IL1RAPL2: variants seen among roughly 807,000 people sequenced by gnomAD.
IL1RAPL2 encodes interleukin 1 receptor accessory protein like 2.
Under a neutral mutation model 44.1 loss-of-function variants are expected in IL1RAPL2, and 3 were observed. That is an observed-to-expected ratio of 0.07 (90% CI 0.03 to 0.18). The LOEUF is 0.18. Ranked by LOEUF, IL1RAPL2 falls within the 10% of genes least tolerant of loss-of-function variation. The pLI, the probability that IL1RAPL2 is intolerant of heterozygous loss-of-function variation, is 1.00. For missense variants in IL1RAPL2, 391 were observed against 496.4 expected (o/e 0.79, Z 2.02); for synonymous variants, 181 against 178.8 (o/e 1.01, Z -0.10).
intron 5 of IL1RAPL2, among the ~76,000 whole-genome samples, chrX:105,363,436 T>A (rs952345843): frequency 3.2e-4 from 34 of 104,699 alleles, no homozygotes; most frequent in Non-Finnish European, 5.7e-4. Flanking sequence ...GACATACTGA[T>A]TACAATTTTT....
intron 2 of IL1RAPL2, among the ~76,000 whole-genome samples, chrX:104,660,592 T>TAC (rs1346128905): frequency 2.2e-5 from 2 of 92,791 alleles, no homozygotes; most frequent in South Asian, 4.8e-4. Context: ...AATATATATA[T>TAC]ACACACAAAT....
intron 6 of IL1RAPL2, among the ~76,000 whole-genome samples, chrX:105,562,493 T>G (rs780658258): frequency 1.0e-5 from 1 of 96,823 alleles, no homozygotes; most frequent in Non-Finnish European, 2.0e-5. Flanking sequence ...TATATACAAT[T>G]ATTTGTGAAT....
At chrX:105,407,065 G>A (rs2035650865) in intron 5 of IL1RAPL2, 10 of 685,457 alleles carry the variant, frequency 1.5e-5, no homozygotes, top group Non-Finnish European at 2.4e-5. Flanking sequence ...GAGGCTGGAG[G>A]AAGATGTACA....
intron 2 of IL1RAPL2, among the ~76,000 whole-genome samples, chrX:104,693,998 C>T (rs994794824): frequency 3.6e-5 from 4 of 111,794 alleles, no homozygotes; most frequent in African/African-American, 1.3e-4. Context: ...TTAATATCCC[C>T]AACTGTTCTC....
At chrX:104,678,822 G>A (rs1240739934) in intron 2 of IL1RAPL2, among the ~76,000 whole-genome samples, 1 of 110,942 alleles carries the variant, frequency 9.0e-6, no homozygotes, top group African/African-American at 3.3e-5. Flanking sequence ...GGGGCCTGTT[G>A]GGGGATGAGG....
At chrX:105,385,900 A>C (rs1056575203) in intron 5 of IL1RAPL2, among the ~76,000 whole-genome samples, 5 of 111,619 alleles carry the variant, frequency 4.5e-5, no homozygotes, top group Non-Finnish European at 9.4e-5. Flanking sequence ...ACGTAGAAGG[A>C]GCAAAGGCTT....
chrX:105,634,539 C>T (rs1166504265), intron 6 of IL1RAPL2, among the ~76,000 whole-genome samples: 3 of 111,743 alleles, frequency 2.7e-5, no homozygotes, highest in Admixed American at 9.5e-5. Flanking sequence ...ATTTGATGTA[C>T]TTAAATTCAA....
intron 5 of IL1RAPL2, among the ~76,000 whole-genome samples, chrX:105,344,938 T>A (rs747720869): frequency 2.7e-5 from 3 of 111,712 alleles, no homozygotes; most frequent in Non-Finnish European, 5.6e-5. Context: ...TAGAAGTAGA[T>A]ATGTCTTGGT....
intron 6 of IL1RAPL2, among the ~76,000 whole-genome samples, chrX:105,698,334 C>A (rs1295116517): frequency 8.9e-6 from 1 of 111,753 alleles, no homozygotes; most frequent in Non-Finnish European, 1.9e-5. Context: ...ATGCTTTTAT[C>A]TGACTATATG....
At chrX:104,749,000 G>T (rs970817410) in intron 2 of IL1RAPL2, among the ~76,000 whole-genome samples, 5 of 110,432 alleles carry the variant, frequency 4.5e-5, no homozygotes, top group Admixed American at 1.9e-4. Flanking sequence ...AGGAAATCAA[G>T]AACAATCTGA....
intron 6 of IL1RAPL2, among the ~76,000 whole-genome samples, chrX:105,692,044 G>C (rs892521004): frequency 3.6e-5 from 4 of 111,587 alleles, no homozygotes; most frequent in Admixed American, 2.9e-4. Context: ...AACTATTTTA[G>C]AATATATTTT....
chrX:105,684,228 C>T (rs1312102230), intron 6 of IL1RAPL2, among the ~76,000 whole-genome samples: 2 of 112,258 alleles, frequency 1.8e-5, no homozygotes, highest in Non-Finnish European at 3.8e-5. Context: ...CAGGGCGGGG[C>T]GTCGCCTCAC....
intron 2 of IL1RAPL2, among the ~76,000 whole-genome samples, chrX:104,735,897 A>G (rs1932005257): frequency 9.0e-6 from 1 of 111,598 alleles, no homozygotes; most frequent in Non-Finnish European, 1.9e-5. Flanking sequence ...TGCTCTCTGC[A>G]CTAAGTCAAA....
chrX:105,085,755 C>T (rs1281100115), intron 2 of IL1RAPL2, among the ~76,000 whole-genome samples: 1 of 111,747 alleles, frequency 8.9e-6, no homozygotes, highest in African/African-American at 3.3e-5. Flanking sequence ...TTTTGACTCC[C>T]CACAAACTTT....
intron 2 of IL1RAPL2, among the ~76,000 whole-genome samples, chrX:105,141,040 G>A (rs1474372401): frequency 9.0e-6 from 1 of 111,605 alleles, no homozygotes; most frequent in Non-Finnish European, 1.9e-5. Context: ...TGTGTCTCAG[G>A]CCAAGCCTAA....
At chrX:104,800,594 G>T (rs1932878839) in intron 2 of IL1RAPL2, among the ~76,000 whole-genome samples, 1 of 112,371 alleles carries the variant, frequency 8.9e-6, no homozygotes, top group African/African-American at 3.2e-5. Context: ...AATTCACTTA[G>T]AGGTATGACT....
chrX:104,931,957 TG>T (rs1924911621), intron 2 of IL1RAPL2, among the ~76,000 whole-genome samples: 1 of 96,147 alleles, frequency 1.0e-5, no homozygotes, highest in East Asian at 3.3e-4. Flanking sequence ...AGTGTGTGTG[TG>T]TGTGTGTGTG....
At chrX:104,914,554 GTGAT>G (rs761189654) in intron 2 of IL1RAPL2, among the ~76,000 whole-genome samples, 30 of 111,709 alleles carry the variant, frequency 2.7e-4, no homozygotes, top group Non-Finnish European at 4.3e-4. Flanking sequence ...CACACATGTT[GTGAT>G]TGCTTTCTTT....
At chrX:105,389,582 C>T (rs2035506255) in intron 5 of IL1RAPL2, among the ~76,000 whole-genome samples, 1 of 111,411 alleles carries the variant, frequency 9.0e-6, no homozygotes, top group African/African-American at 3.3e-5. Flanking sequence ...GATAAACAAC[C>T]AATTACTCAT....
Sources: allele counts gnomAD v4.1 joint callset (sites outside exome capture counted in the v4.1 genomes callset), GRCh38; gene constraint gnomAD v4.1.1; transcripts MANE v1.5; gene names NCBI Gene and HGNC (gene_info 2026-07-23, HGNC 2026-07-21).